The following DMD variants were observed in gnomAD, a reference collection of about 807,000 sequenced individuals.
The protein encoded by DMD is mutant dystrophin.
In DMD, 63 loss-of-function variants were observed where a neutral mutation model predicts 330.1. The ratio of observed to expected loss-of-function variants is 0.19; its 90% CI spans 0.16 to 0.24. The LOEUF (loss-of-function observed/expected upper bound fraction) is 0.24, where lower values mean the gene tolerates loss of function less well. Among genes scored for constraint, DMD ranks in the 10% least tolerant of loss-of-function variants. The pLI is 1.00. For missense variants in DMD, 3,344 were observed against 2,684.1 expected (o/e 1.25, Z -5.43); for synonymous variants, 1,223 against 959.8 (o/e 1.27, Z -5.07).
At chrX:32,435,518 G>A (rs191293147) in intron 29 of DMD, among the ~76,000 whole-genome samples, 220 of 109,467 alleles carry the variant, frequency 2.0e-3, no homozygotes, top group Non-Finnish European at 3.4e-3. Flanking sequence ...GTTTAAAACT[G>A]TTACTCAAAA....
intron 13 of DMD, among the ~76,000 whole-genome samples, chrX:32,595,296 A>C (rs747911190): frequency 8.9e-6 from 1 of 111,830 alleles, no homozygotes; most frequent in African/African-American, 3.2e-5. Context: ...ACCATCTGTG[A>C]GTTCTACGGA....
chrX:32,151,115 T>C (rs963599305), intron 44 of DMD, among the ~76,000 whole-genome samples: 1 of 111,747 alleles, frequency 8.9e-6, no homozygotes, highest in Admixed American at 9.5e-5. Context: ...AAAAGAAAAA[T>C]TGAAGTTATT....
At chrX:32,400,172 T>C (rs1343923376) in intron 30 of DMD, among the ~76,000 whole-genome samples, 3 of 111,993 alleles carry the variant, frequency 2.7e-5, no homozygotes, top group African/African-American at 9.8e-5. Context: ...CATGAAGCGT[T>C]GTTGAATTTT....
At chrX:32,257,170 G>A (rs145717076) in intron 43 of DMD, among the ~76,000 whole-genome samples, 136 of 111,668 alleles carry the variant, frequency 1.2e-3, no homozygotes, top group African/African-American at 4.1e-3. Flanking sequence ...ACGAAAGGAC[G>A]CAAACAAATG....
chrX:31,163,651 A>G (rs1307491361), intron 74 of DMD, among the ~76,000 whole-genome samples: 2 of 110,385 alleles, frequency 1.8e-5, no homozygotes, highest in Non-Finnish European at 3.8e-5. Context: ...CCTTACCCTA[A>G]ATTCCTTACC....
At position 32,257,971 on chromosome X, in the gene DMD, G is replaced by GAA. The variant is rs141361608; in HGVS notation, c.6290+29556_6290+29557dup. The stretch of plus-strand genomic sequence containing the variant: ...ATAAGGAACTTAAACAAATTTACAA[G>GAA]AAAAAAAAAAACCCATCAGAAAGTG... On this transcript the variant is annotated intron_variant, in intron 43 of 78. Transcript: ENST00000357033. Among the ~76,000 whole-genome samples, 167 of 101,978 alleles carry GAA rather than the reference G, an allele frequency of 1.6e-3. 1 individual carries two copies. The highest frequency in any genetic ancestry group is 3.0e-3 in the South Asian group (7 of 2,323). 88.6% of individuals were successfully genotyped at this position (101,978 alleles called of 115,157 possible). A position where few individuals can be genotyped will look rare whatever the true frequency, so the allele number is the denominator to read the frequency against.
chrX:32,847,764 C>G (rs984588425), intron 3 of DMD, among the ~76,000 whole-genome samples: 3 of 112,138 alleles, frequency 2.7e-5, no homozygotes, highest in African/African-American at 9.7e-5. Context: ...ACTGGCCAAT[C>G]TCATGGATAT....
intron 30 of DMD, among the ~76,000 whole-genome samples, chrX:32,396,829 A>G (rs2098047891): frequency 8.9e-6 from 1 of 111,808 alleles, no homozygotes. Flanking sequence ...TTACATTTAA[A>G]TTGTAATTAA....
intron 44 of DMD, among the ~76,000 whole-genome samples, chrX:32,012,160 C>T (rs2095714523): frequency 8.9e-6 from 1 of 112,208 alleles, no homozygotes; most frequent in African/African-American, 3.2e-5. Context: ...CAGTCTCTTT[C>T]CCTTCTCTGT....
intron 6 of DMD, among the ~76,000 whole-genome samples, chrX:32,810,132 T>C (rs2077266241): frequency 9.1e-6 from 1 of 109,797 alleles, no homozygotes; most frequent in African/African-American, 3.3e-5. Context: ...CAAAAAAGAA[T>C]GCTGAGGATG....
rs184104148 is a variant in DMD at position 32,759,249 on chromosome X, G to C, written c.649+50244C>G. Among the ~76,000 whole-genome samples the C allele has an allele frequency of 4.5e-5, 5 of 111,890 alleles. No individual in the cohort carries two copies. The Admixed American group carries it at 4.7e-4, about 11-fold the overall frequency. ...TACACTGAAAGTTGCTAGAAGGAAAGGATCATTTCTAATTTTTCTCTGGGG... is the reference window on the plus strand; with the variant it reads ...TACACTGAAAGTTGCTAGAAGGAAACGATCATTTCTAATTTTTCTCTGGGG... On this transcript the variant is annotated intron_variant, in intron 7 of 78. Transcript: ENST00000357033.
chrX:32,673,637 T>C (rs944407332), intron 9 of DMD, among the ~76,000 whole-genome samples: 2 of 111,746 alleles, frequency 1.8e-5, no homozygotes, highest in African/African-American at 3.2e-5. Flanking sequence ...AAATCAACTA[T>C]AGTGCTTCCC....
chrX:31,897,156 A>T (rs2094349998), intron 47 of DMD, among the ~76,000 whole-genome samples: 1 of 108,176 alleles, frequency 9.2e-6, no homozygotes, highest in Non-Finnish European at 1.9e-5. Flanking sequence ...CCCACCTATG[A>T]GTGAGAACAT....
chrX:32,694,729 T>A (rs1435858711), intron 9 of DMD, among the ~76,000 whole-genome samples: 5 of 112,112 alleles, frequency 4.5e-5, no homozygotes, highest in Non-Finnish European at 9.4e-5. Context: ...TGATTTCAAC[T>A]CACTGCAACC....
At chrX:32,328,685 A>G (rs974316118) in intron 41 of DMD, among the ~76,000 whole-genome samples, 1 of 108,707 alleles carries the variant, frequency 9.2e-6, no homozygotes, top group Admixed American at 9.8e-5. Flanking sequence ...CAATAACAAC[A>G]TTACAAAAAA....
chrX:32,196,155 T>C (rs975360137), intron 44 of DMD, among the ~76,000 whole-genome samples: 4 of 112,533 alleles, frequency 3.6e-5, no homozygotes, highest in African/African-American at 1.3e-4. Flanking sequence ...TTCAGGCTCA[T>C]TTCCAGTCCT....
At chrX:31,869,370 T>C (rs2093852176) in intron 48 of DMD, among the ~76,000 whole-genome samples, 1 of 107,517 alleles carries the variant, frequency 9.3e-6, no homozygotes. Flanking sequence ...TTCATTGTCT[T>C]TGATCTATTT....
chrX:31,640,277 T>C (rs2079653974), intron 54 of DMD, among the ~76,000 whole-genome samples: 1 of 112,186 alleles, frequency 8.9e-6, no homozygotes, highest in African/African-American at 3.2e-5. Flanking sequence ...GCTCATCTCC[T>C]AGGGAATACG....
intron 61 of DMD, among the ~76,000 whole-genome samples, chrX:31,329,197 T>C: frequency 8.9e-6 from 1 of 112,309 alleles, no homozygotes. Flanking sequence ...TGCATCAGCA[T>C]AAGTTTGGTT....
Sources: allele counts gnomAD v4.1 joint callset (sites outside exome capture counted in the v4.1 genomes callset), GRCh38; gene constraint gnomAD v4.1.1; transcripts MANE v1.5; gene names NCBI Gene and HGNC (gene_info 2026-07-23, HGNC 2026-07-21).